The following CGNL1 variants were observed in gnomAD, a reference collection of about 807,000 sequenced individuals.
The protein encoded by CGNL1 is cingulin like 1, also known as cingulin-like protein 1.
CGNL1 carries 132 observed loss-of-function variants against 141.2 expected under a neutral mutation model. The ratio of observed to expected loss-of-function variants is 0.93; its 90% confidence interval spans 0.81 to 1.08. The LOEUF (loss-of-function observed/expected upper bound fraction) is 1.08. CGNL1 is among the 50% of genes least tolerant of loss of function. The pLI, the probability that CGNL1 is intolerant of heterozygous loss-of-function variation, is 0.00. For synonymous variants in CGNL1, 690 were observed against 622.1 expected (o/e 1.11, Z -1.63); for missense variants, 1,870 against 1,588.6 (o/e 1.18, Z -3.01).
intron 1 of CGNL1, among the ~76,000 whole-genome samples, chr15:57,408,884 A>G (rs1407449492): frequency 1.3e-4 from 20 of 152,236 alleles, no homozygotes; most frequent in African/African-American, 4.6e-4. Context: ...TACTAAAAAT[A>G]CAAAAAAATT....
At chr15:57,524,161 A>G (rs2031456157) in intron 11 of CGNL1, among the ~76,000 whole-genome samples, 2 of 152,172 alleles carry the variant, frequency 1.3e-5, no homozygotes, top group African/African-American at 4.8e-5. Flanking sequence ...TTTACTAACT[A>G]TTTTGTTTCT....
At chr15:57,546,034 G>A (rs2032844562) in intron 17 of CGNL1, 42 bp from the exon 18 acceptor site, 6 of 1,588,318 alleles carry the variant, frequency 3.8e-6, no homozygotes, top group Non-Finnish European at 5.1e-6. Flanking sequence ...GCTGGGGCTG[G>A]GCCATCAGCC....
rs188993258 is a variant in CGNL1, at chr15:57,429,606, C to T, written c.-15-8379C>T. Among the ~76,000 whole-genome samples the T allele has an allele frequency of 7.9e-5, 12 of 152,294 alleles. No individual in the cohort carries two copies. The South Asian group carries it at 1.0e-3, about 13-fold the overall frequency. ...ACCCAACAAATATTTATTAAATCTCCGCTATGGACATAGCATTGTACTTTA... is the reference window on the plus strand; with the variant it reads ...ACCCAACAAATATTTATTAAATCTCTGCTATGGACATAGCATTGTACTTTA... On this transcript the variant is annotated intron_variant, in intron 1 of 18. Transcript: ENST00000281282.
intron 1 of CGNL1, among the ~76,000 whole-genome samples, chr15:57,433,220 A>G (rs1176594558): frequency 6.6e-6 from 1 of 150,518 alleles, no homozygotes; most frequent in Admixed American, 6.6e-5. Flanking sequence ...GTTAAGACAC[A>G]CCTGGTTATT....
intron 1 of CGNL1, among the ~76,000 whole-genome samples, chr15:57,378,918 C>G (rs920014630): frequency 6.6e-6 from 1 of 152,206 alleles, no homozygotes; most frequent in South Asian, 2.1e-4. Flanking sequence ...TGGGAGCCGT[C>G]TTCATTGTCT....
chr15:57,475,305 C>CACACT (rs1471773199), intron 8 of CGNL1, among the ~76,000 whole-genome samples: 1 of 150,436 alleles, frequency 6.6e-6, no homozygotes, highest in East Asian at 2.0e-4. Context: ...TGGTGCCAGC[C>CACACT]ACACTAAAGG....
intron 7 of CGNL1, among the ~76,000 whole-genome samples, chr15:57,456,100 C>T (rs533661097): frequency 8.5e-5 from 13 of 152,276 alleles, no homozygotes; most frequent in South Asian, 2.1e-4. Context: ...CTATGATCTA[C>T]GGTTTCTACG....
In CGNL1 at chr15:57,451,514, A is replaced by G. The variant is rs772349304; in HGVS notation, c.1818A>G (p.Thr606=). 5 of 1,610,570 alleles carry G rather than the reference A, an allele frequency of 3.1e-6. No homozygotes were observed. Among genetic ancestry groups the G allele is most frequent in the Non-Finnish European group, 4.2e-6 (5 of 1,178,198 alleles). Residue 606 remains threonine, a synonymous_variant, in exon 5 of 19, where the codon ACA becomes ACG. Transcript: ENST00000281282. ...AQGNNQACNS[T]SEVKDLLEQK... ...ATTAATTATAGGCTTGTAATTCCAC[A>G]TCTGAAGTCAAAGATCTATTGGAAC...
chr15:57,391,268 AAGCCAT>A (rs2062539836), intron 1 of CGNL1, among the ~76,000 whole-genome samples: 1 of 152,258 alleles, frequency 6.6e-6, no homozygotes, highest in Non-Finnish European at 1.5e-5. Flanking sequence ...GCTTTGGAAG[AAGCCAT>A]GTGAGCCTCG....
At chr15:57,444,522 C>T (rs1217634226) in intron 4 of CGNL1, among the ~76,000 whole-genome samples, 1 of 152,146 alleles carries the variant, frequency 6.6e-6, no homozygotes, top group Non-Finnish European at 1.5e-5. Context: ...AGAGTGAGCG[C>T]AGTCTTTGGC....
chr15:57,468,127 G>T (rs1470344159), intron 8 of CGNL1, among the ~76,000 whole-genome samples: 2 of 152,108 alleles, frequency 1.3e-5, no homozygotes, highest in Non-Finnish European at 2.9e-5. Flanking sequence ...GTGTGTTAAA[G>T]CTGGGTAATG....
chr15:57,470,161 A>G (rs1368949807), intron 8 of CGNL1, among the ~76,000 whole-genome samples: 1 of 151,680 alleles, frequency 6.6e-6, no homozygotes, highest in African/African-American at 2.4e-5. Flanking sequence ...TTTTCCACAG[A>G]CTCAAGCCTG....
intron 1 of CGNL1, among the ~76,000 whole-genome samples, chr15:57,416,255 C>T (rs1382476740): frequency 2.0e-5 from 3 of 149,792 alleles, no homozygotes; most frequent in Non-Finnish European, 4.4e-5. Context: ...AGCCTCTTTA[C>T]ATGTAGGGTT....
At chr15:57,434,530 G>C (rs2152300472) in intron 1 of CGNL1, among the ~76,000 whole-genome samples, 1 of 152,144 alleles carries the variant, frequency 6.6e-6, no homozygotes, top group East Asian at 1.9e-4. Flanking sequence ...ATGTGCTCAT[G>C]TTTTATAAAA....
intron 10 of CGNL1, among the ~76,000 whole-genome samples, chr15:57,520,910 T>C (rs749627519): frequency 7.9e-5 from 12 of 152,200 alleles, no homozygotes; most frequent in Non-Finnish European, 1.5e-4. Flanking sequence ...GTCATTAATA[T>C]GAGCCAATTG....
chr15:57,531,831 C>A, intron 14 of CGNL1, 52 bp downstream of exon 14: 1 of 1,170,770 alleles, frequency 8.5e-7, no homozygotes, highest in Non-Finnish European at 1.3e-6. Context: ...GAAAAAGGAA[C>A]ATGAGGGGTT....
chr15:57,384,867 G>A (rs142366649), intron 1 of CGNL1, among the ~76,000 whole-genome samples: 1 of 152,310 alleles, frequency 6.6e-6, no homozygotes, highest in Admixed American at 6.5e-5. Flanking sequence ...CAGCCACAGT[G>A]ATATCTAAAC....
chr15:57,451,423 T>G, intron 4 of CGNL1, 77 bp from the exon 5 acceptor site: 1 of 1,041,008 alleles, frequency 9.6e-7, no homozygotes, highest in South Asian at 1.4e-5. Context: ...CTGCACTGAT[T>G]ATATTTGGAG....
chr15:57,503,161 G>T (rs1012076441), intron 8 of CGNL1, among the ~76,000 whole-genome samples: 2 of 152,198 alleles, frequency 1.3e-5, no homozygotes, highest in Admixed American at 6.5e-5. Context: ...CAAAGCCAGG[G>T]CCAGGCGGGG....
Sources: allele counts gnomAD v4.1 joint callset (sites outside exome capture counted in the v4.1 genomes callset), GRCh38; gene constraint gnomAD v4.1.1; transcripts MANE v1.5; gene names NCBI Gene and HGNC (gene_info 2026-07-23, HGNC 2026-07-21).